FAM222B: variants seen among roughly 807,000 people sequenced by gnomAD.
FAM222B encodes protein FAM222B.
FAM222B carries 12 observed loss-of-function variants against 38.0 expected under a neutral mutation model. That is an observed-to-expected ratio of 0.32 (90% CI 0.20 to 0.51). The LOEUF is 0.51. Among genes scored for constraint, FAM222B ranks in the 20% least tolerant of loss-of-function variants. The pLI, the probability that FAM222B is intolerant of heterozygous loss-of-function variation, is 0.97. For missense variants in FAM222B, 716 were observed against 754.2 expected, an observed-to-expected ratio of 0.95 and a Z score of 0.59; for synonymous variants, 329 against 317.2, an observed-to-expected ratio of 1.04 and a Z score of -0.40.
At chr17:28,798,897 G>A (rs1014400698) in intron 1 of FAM222B, among the ~76,000 whole-genome samples, 2 of 151,834 alleles carry the variant, frequency 1.3e-5, no homozygotes, top group Non-Finnish European at 2.9e-5. Flanking sequence ...GATTACAGGC[G>A]TGAGCCACCA....
At chr17:28,818,484 C>G (rs1233817698) in intron 1 of FAM222B, among the ~76,000 whole-genome samples, 1 of 150,570 alleles carries the variant, frequency 6.6e-6, no homozygotes, top group African/African-American at 2.4e-5. Context: ...GCCGAGATCG[C>G]GCCACTGCAC....
chr17:28,759,746 C>T lies in FAM222B; in HGVS notation c.213G>A (p.Arg71=), dbSNP rs765956892. The change falls in exon 3 of 3, where the codon CGG becomes CGA. Residue 71 remains arginine, a synonymous_variant. Transcript: ENST00000581407. The surrounding 1 kb of genome is among the most constrained non-coding windows in gnomAD (Gnocchi z 4.8). ...CGTTCACAGTACGACGAACGTGTTTCCGCTGGGGAACCTTCACACTGTTGG... is the reference window on the plus strand; with the variant it reads ...CGTTCACAGTACGACGAACGTGTTTTCGCTGGGGAACCTTCACACTGTTGG... The part of the protein sequence containing the change: ...IFPNSVKVPQ[R]KHVRRTVNGL... 6.2e-7 allele frequency: 1 copy of T among 1,613,806 alleles called. No individual in the cohort carries two copies. Among genetic ancestry groups the T allele is most frequent in the South Asian group, 1.1e-5 (1 of 90,992 alleles).
chr17:28,818,519 A>T (rs1399860206), intron 1 of FAM222B, among the ~76,000 whole-genome samples: 3 of 151,272 alleles, frequency 2.0e-5, no homozygotes, highest in Non-Finnish European at 4.4e-5. Context: ...AGGGCGACAG[A>T]GCGAGAGTCC....
chr17:28,798,640 T>TTTA (rs2037057186), intron 1 of FAM222B, among the ~76,000 whole-genome samples: 2 of 52,580 alleles, frequency 3.8e-5, no homozygotes, highest in Non-Finnish European at 1.5e-4. Flanking sequence ...TTGCACCCCC[T>TTTA]TTTTTTTTTT....
chr17:28,796,172 C>A (rs2036929673), intron 1 of FAM222B, among the ~76,000 whole-genome samples: 1 of 152,202 alleles, frequency 6.6e-6, no homozygotes, highest in African/African-American at 2.4e-5. Context: ...CAAAAACTGA[C>A]TTGCAAGTAA....
chr17:28,832,372 T>C (rs1044205991), intron 1 of FAM222B, among the ~76,000 whole-genome samples: 15 of 152,244 alleles, frequency 9.9e-5, no homozygotes, highest in African/African-American at 3.4e-4. Context: ...TATTATTGTT[T>C]AGTACAACAG....
upstream of FAM222B, among the ~76,000 whole-genome samples, chr17:28,846,496 C>G (rs1280611307): frequency 6.6e-6 from 1 of 151,876 alleles, no homozygotes; most frequent in Non-Finnish European, 1.5e-5. Flanking sequence ...GAAAACCCGT[C>G]TGTACAAAAA....
intron 1 of FAM222B, among the ~76,000 whole-genome samples, chr17:28,789,566 G>C (rs2036576032): frequency 2.0e-5 from 3 of 151,986 alleles, no homozygotes; most frequent in Non-Finnish European, 4.4e-5. Context: ...CTTTTACCCA[G>C]TTCTATTAAG....
intron 1 of FAM222B, among the ~76,000 whole-genome samples, chr17:28,831,616 A>G (rs2038672266): frequency 6.8e-6 from 1 of 147,032 alleles, no homozygotes; most frequent in Non-Finnish European, 1.5e-5. Flanking sequence ...AAGCAATCCT[A>G]CTGCCTCAGC....
chr17:28,830,990 C>CTTT (rs56073818), intron 1 of FAM222B, among the ~76,000 whole-genome samples: 47 of 117,786 alleles, frequency 4.0e-4, no homozygotes, highest in African/African-American at 1.3e-3. Flanking sequence ...GTGAATGTTT[C>CTTT]TTTTTTTTTT....
intron 1 of FAM222B, among the ~76,000 whole-genome samples, chr17:28,808,863 C>T (rs1459787671): frequency 1.3e-5 from 2 of 152,098 alleles, no homozygotes; most frequent in African/African-American, 4.8e-5. Flanking sequence ...GTAAGCTTTT[C>T]CCAATTCCAA....
At chr17:28,852,932 G>A (rs767190352) in intron 1 of FAM222B, among the ~76,000 whole-genome samples, 5 of 152,158 alleles carry the variant, frequency 3.3e-5, no homozygotes, top group Non-Finnish European at 7.4e-5. Flanking sequence ...GGTGGCTGAC[G>A]CCTGTAATCC....
intron 1 of FAM222B, among the ~76,000 whole-genome samples, chr17:28,837,895 C>A (rs565674363): frequency 6.6e-6 from 1 of 152,204 alleles, no homozygotes; most frequent in Admixed American, 6.5e-5. Context: ...TCAAATGATC[C>A]ACCCACCTCG....
At chr17:28,849,953 C>T (rs1781391699) in intron 1 of FAM222B, among the ~76,000 whole-genome samples, 1 of 151,956 alleles carries the variant, frequency 6.6e-6, no homozygotes, top group South Asian at 2.1e-4. Context: ...CGTGGTGGCG[C>T]ATGCCTGTAA....
intron 1 of FAM222B, among the ~76,000 whole-genome samples, chr17:28,792,848 G>C (rs535533125): frequency 6.6e-6 from 1 of 151,450 alleles, no homozygotes; most frequent in Non-Finnish European, 1.5e-5. Flanking sequence ...AGGAGGAGCT[G>C]TTAATGATCC....
chr17:28,827,238 T>TA (rs1381379213), intron 1 of FAM222B, among the ~76,000 whole-genome samples: 1 of 152,072 alleles, frequency 6.6e-6, no homozygotes, highest in African/African-American at 2.4e-5. Context: ...GCATCTGTAG[T>TA]CCTAGCTACT....
At chr17:28,771,989 G>A (rs543574616) in intron 1 of FAM222B, among the ~76,000 whole-genome samples, 6 of 152,094 alleles carry the variant, frequency 3.9e-5, no homozygotes, top group Admixed American at 6.6e-5. Flanking sequence ...CCCGGGAGGC[G>A]GAGCTTGCAG....
intron 1 of FAM222B, among the ~76,000 whole-genome samples, chr17:28,831,167 G>C (rs1243066699): frequency 6.6e-6 from 1 of 151,736 alleles, no homozygotes; most frequent in Non-Finnish European, 1.5e-5. Flanking sequence ...ACTAATTTTT[G>C]TATTTTTAGT....
At chr17:28,831,939 C>T (rs1266255992) in intron 1 of FAM222B, among the ~76,000 whole-genome samples, 1 of 152,100 alleles carries the variant, frequency 6.6e-6, no homozygotes, top group African/African-American at 2.4e-5. Context: ...CCTGTAATCC[C>T]AGCACTTTGG....
Sources: allele counts gnomAD v4.1 joint callset (sites outside exome capture counted in the v4.1 genomes callset), GRCh38; gene constraint gnomAD v4.1.1; non-coding constraint Gnocchi (gnomAD v3.1); transcripts MANE v1.5; gene names NCBI Gene and HGNC (gene_info 2026-07-23, HGNC 2026-07-21).